The following TRIM37 variants were observed in gnomAD, a reference collection of about 807,000 sequenced individuals.
TRIM37 encodes tripartite motif containing 37.
Under a neutral mutation model 129.8 loss-of-function variants are expected in TRIM37, and 80 were observed. That is an observed-to-expected ratio of 0.62 (90% CI 0.51 to 0.74). The LOEUF (loss-of-function observed/expected upper bound fraction) is 0.74, where lower values mean the gene tolerates loss of function less well. TRIM37 is among the 30% of genes least tolerant of loss of function. The pLI is 0.00. For synonymous variants in TRIM37, 389 were observed against 387.1 expected, an observed-to-expected ratio of 1.00 and a Z score of -0.06; for missense variants, 1,054 against 1,176.5, an observed-to-expected ratio of 0.90 and a Z score of 1.52.
intron 18 of TRIM37, among the ~76,000 whole-genome samples, chr17:59,030,815 T>C (rs1390965997): frequency 1.3e-5 from 2 of 152,244 alleles, no homozygotes; most frequent in Admixed American, 6.5e-5. Flanking sequence ...TTAAAGGATA[T>C]AGATATTTTT....
At chr17:59,009,581 G>A (rs535541548) in intron 22 of TRIM37, among the ~76,000 whole-genome samples, 2 of 151,948 alleles carry the variant, frequency 1.3e-5, no homozygotes, top group Admixed American at 1.3e-4. Context: ...AAGTAGATGG[G>A]ATTACAGGTG....
rs776627973 is a variant in TRIM37 at position 59,102,689 on chromosome 17, T to C, written c.123+1604A>G. On this transcript the variant is annotated intron_variant, in intron 2 of 23. Transcript: ENST00000262294. ...TAGAAGTATGAGAACTAACATCATA[T>C]TTAACTGGGTCTTCTGCGCATGGTA... 2.0e-5 allele frequency among the ~76,000 whole-genome samples: 3 copies of C among 152,156 alleles called. No homozygotes were observed. In the East Asian group the frequency reaches 5.8e-4, roughly 29 times the overall value.
At chr17:59,088,190 A>T in intron 4 of TRIM37, 101 bp downstream of exon 4, 2 of 744,292 alleles carry the variant, frequency 2.7e-6, no homozygotes, top group Non-Finnish European at 4.8e-6. Context: ...ATATAACACT[A>T]CTTATTCATA....
intron 17 of TRIM37, among the ~76,000 whole-genome samples, chr17:59,034,106 C>CAA (rs764498365): frequency 3.1e-5 from 4 of 127,452 alleles, no homozygotes; most frequent in East Asian, 2.3e-4. Flanking sequence ...GACTCCATCT[C>CAA]AAAAAAAAAA....
chr17:58,990,178 CAAAAAAAAAAAAA>C (rs35076409), intron 24 of TRIM37, among the ~76,000 whole-genome samples: 2 of 25,618 alleles, frequency 7.8e-5, no homozygotes, highest in Non-Finnish European at 1.3e-4. Context: ...GACCTTGTCT[CAAAAAAAAAAAAA>C]AAAAAAAAAA....
intron 5 of TRIM37, among the ~76,000 whole-genome samples, chr17:59,082,909 T>C (rs1054834093): frequency 6.6e-6 from 1 of 152,196 alleles, no homozygotes; most frequent in Non-Finnish European, 1.5e-5. Context: ...AGCACATTAA[T>C]ATTCAAATTC....
chr17:59,080,578 G>A (rs564063360), intron 6 of TRIM37, among the ~76,000 whole-genome samples: 5 of 152,288 alleles, frequency 3.3e-5, no homozygotes, highest in East Asian at 1.9e-4. Flanking sequence ...GGATCACGAC[G>A]TCAGGAGTTT....
chr17:59,102,543 A>G (rs1396251018), intron 2 of TRIM37, among the ~76,000 whole-genome samples: 1 of 152,228 alleles, frequency 6.6e-6, no homozygotes, highest in African/African-American at 2.4e-5. Context: ...ATAGTATTTC[A>G]TAATTTCTGA....
At chr17:59,029,061 G>GA (rs952129380) in intron 18 of TRIM37, among the ~76,000 whole-genome samples, 2 of 151,452 alleles carry the variant, frequency 1.3e-5, no homozygotes, top group Non-Finnish European at 2.9e-5. Flanking sequence ...GTTTATAATT[G>GA]AAAAAAAAGA....
Position 59,001,365 on chromosome 17 carries a change from T to G in TRIM37, c.2812+233A>C, listed in dbSNP as rs145553522. 3.0e-3 allele frequency among the ~76,000 whole-genome samples: 452 copies of G among 151,050 alleles called. 3 individuals are homozygous for G. The highest frequency in any genetic ancestry group is 0.011 in the African/African-American group (437 of 41,124). On this transcript the variant is annotated intron_variant, in intron 23 of 23. Transcript: ENST00000262294. ...TGCCCAGTAAGTAGCACTCATTAGG[T>G]GCAACCAAGCCAAATATTACTGGCT...
chr17:59,050,971 C>T (rs983150805), intron 14 of TRIM37, among the ~76,000 whole-genome samples: 8 of 151,936 alleles, frequency 5.3e-5, no homozygotes, highest in African/African-American at 1.9e-4. Flanking sequence ...CAGAGCGAGA[C>T]TCCTTCTCAA....
At chr17:58,985,827 C>T (rs2031754190) in intron 24 of TRIM37, among the ~76,000 whole-genome samples, 1 of 152,068 alleles carries the variant, frequency 6.6e-6, no homozygotes, top group East Asian at 1.9e-4. Flanking sequence ...TAAATTCATT[C>T]AGTCCTTGGC....
intron 16 of TRIM37, among the ~76,000 whole-genome samples, chr17:59,042,420 A>G (rs1332854164): frequency 3.2e-5 from 3 of 94,298 alleles, no homozygotes; most frequent in East Asian, 6.9e-4. Context: ...AAGCTAAGAA[A>G]AAAAGGAATT....
chr17:58,993,932 AT>A (rs2144215111), downstream of TRIM37, among the ~76,000 whole-genome samples: 1 of 152,344 alleles, frequency 6.6e-6, no homozygotes, highest in South Asian at 2.1e-4. Context: ...TTTGAAAAAA[AT>A]GTTATGACAC....
chr17:59,071,321 T>G (rs1296856513), intron 8 of TRIM37, among the ~76,000 whole-genome samples: 1 of 149,354 alleles, frequency 6.7e-6, no homozygotes, highest in African/African-American at 2.5e-5. Flanking sequence ...AGTCTTGCTC[T>G]GTTGCCCAGG....
chr17:59,025,447 A>C (rs779859306), intron 19 of TRIM37, among the ~76,000 whole-genome samples: 15 of 151,376 alleles, frequency 9.9e-5, no homozygotes, highest in Admixed American at 2.0e-4. Context: ...ATATTCATGG[A>C]TGAATATTAT....
At chr17:59,088,110 TTAAA>T in intron 4 of TRIM37, 177 bp downstream of exon 4, 1 of 618,836 alleles carries the variant, frequency 1.6e-6, no homozygotes, top group Non-Finnish European at 2.9e-6. Flanking sequence ...ATAACTGTTG[TTAAA>T]TAAACACAAT....
chr17:59,056,614 C>CA (rs2040904151), intron 13 of TRIM37, among the ~76,000 whole-genome samples: 1 of 146,820 alleles, frequency 6.8e-6, no homozygotes, highest in Admixed American at 7.0e-5. Context: ...CCTGTAGTCC[C>CA]AGCTACTCGG....
Position 59,037,653 on chromosome 17 carries a change from A to T in TRIM37, c.1753+4160T>A, listed in dbSNP as rs186445489. ...TTACAGGAAAGGTAAAAATACAGAG[A>T]GTTCCTGTACAACCCAGATCCAATT... On this transcript the variant is annotated intron_variant, in intron 17 of 23. Coordinates refer to ENST00000262294, the MANE Select transcript of TRIM37 (RefSeq NM_015294.6). Among the ~76,000 whole-genome samples the T allele has an allele frequency of 1.6e-4, 24 of 150,600 alleles. 1 individual carries two copies. The East Asian group carries it at 4.6e-3, about 29-fold the overall frequency.
Sources: allele counts gnomAD v4.1 joint callset (sites outside exome capture counted in the v4.1 genomes callset), GRCh38; gene constraint gnomAD v4.1.1; transcripts MANE v1.5; gene names NCBI Gene and HGNC (gene_info 2026-07-23, HGNC 2026-07-21).